The following GAS2 variants were observed in gnomAD, a reference collection of about 807,000 sequenced individuals.
GAS2 encodes growth arrest-specific protein 2.
Under a neutral mutation model 37.5 loss-of-function variants are expected in GAS2, and 20 were observed. The observed-to-expected ratio is 0.53, with a 90% CI of 0.37 to 0.77. The LOEUF (loss-of-function observed/expected upper bound fraction) is 0.77, where lower values mean the gene tolerates loss of function less well. Ranked by LOEUF, GAS2 falls within the 30% of genes least tolerant of loss-of-function variation. The probability of loss-of-function intolerance (pLI) is 0.00; values close to 1 mark genes in which losing one functional copy is unlikely to be tolerated. For synonymous variants in GAS2, 144 were observed against 132.2 expected (o/e 1.09, Z -0.61); for missense variants, 336 against 373.4 (o/e 0.90, Z 0.82).
chr11:22,656,527 GTAAACTATAAAGAATTACTGGAGCTTA>G (rs1271204681), intron 1 of GAS2, among the ~76,000 whole-genome samples: 1 of 152,190 alleles, frequency 6.6e-6, no homozygotes, highest in Admixed American at 6.5e-5. Context: ...CATAATCCAA[GTAAACTATAAAGAATTACTGGAGCTTA>G]AGAAAAACTT....
Position 22,812,167 on chromosome 11 carries a change from A to G in GAS2, c.*151A>G, listed in dbSNP as rs192771124. The G allele has an allele frequency of 3.3e-4, 199 of 607,816 alleles. 1 individual carries two copies. In the African/African-American group the frequency reaches 3.4e-3, roughly 10 times the overall value. 37.7% of individuals were successfully genotyped at this position (607,816 alleles called of 1,614,324 possible). On this transcript the variant is annotated 3_prime_UTR_variant, in exon 8 of 8. Coordinates refer to ENST00000454584, the MANE Select transcript of GAS2 (RefSeq NM_001143830.3). ...TGAAAAATGTTCAAAGAGTAGCACT[A>G]TTTATTTTTAATGCTTCTGTAGAAT...
At chr11:22,733,094 G>A (rs954097566) in intron 4 of GAS2, among the ~76,000 whole-genome samples, 9 of 151,392 alleles carry the variant, frequency 5.9e-5, no homozygotes, top group East Asian at 2.0e-4. Flanking sequence ...ACATTTTGGT[G>A]CAAGAGAGTA....
intron 4 of GAS2, among the ~76,000 whole-genome samples, chr11:22,732,479 A>G (rs1220856743): frequency 6.6e-6 from 1 of 151,742 alleles, no homozygotes; most frequent in Non-Finnish European, 1.5e-5. Context: ...CACACACATC[A>G]TTATTGAGCT....
intron 1 of GAS2, among the ~76,000 whole-genome samples, chr11:22,670,175 T>G (rs1849144498): frequency 6.6e-6 from 1 of 152,166 alleles, no homozygotes; most frequent in African/African-American, 2.4e-5. Flanking sequence ...TTGACACCTG[T>G]AACACATGAA....
chr11:22,801,460 T>TA lies in GAS2; in HGVS notation c.724-10338_724-10337insA, dbSNP rs398075783. 2.0e-3 allele frequency among the ~76,000 whole-genome samples: 295 copies of TA among 150,172 alleles called. 3 individuals carry two copies. The highest frequency in any genetic ancestry group is 6.8e-3 in the Middle Eastern group (2 of 292). ...TGGGGGCATGGGATAGTTTTTTTTT[T>TA]TATTATTTAATGTTAGGAAAATAAA... is the stretch of plus-strand genomic sequence containing the variant. On this transcript the variant is annotated intron_variant, in intron 7 of 7. Coordinates refer to ENST00000454584, the MANE Select transcript of GAS2 (RefSeq NM_001143830.3).
rs11026772 is a variant in GAS2 at position 22,759,322 on chromosome 11, A to G, written c.723+3369A>G. On this transcript the variant is annotated intron_variant, in intron 7 of 7. Transcript: ENST00000454584. ...TACTTATGTATTAATAGAGGCATCT[A>G]TGTACTTTTGTAGACAGGCTTGTTT... 2.0e-3 allele frequency among the ~76,000 whole-genome samples: 311 copies of G among 152,324 alleles called. 9 individuals carry two copies. The East Asian group carries it at 0.05, about 24-fold the overall frequency.
At chr11:22,731,914 A>G (rs1346526321) in intron 4 of GAS2, among the ~76,000 whole-genome samples, 2 of 151,684 alleles carry the variant, frequency 1.3e-5, no homozygotes, top group African/African-American at 4.8e-5. Flanking sequence ...TTGTTTTATG[A>G]AGTACATACT....
At chr11:22,801,410 G>A (rs1218419295) in intron 7 of GAS2, among the ~76,000 whole-genome samples, 2 of 150,458 alleles carry the variant, frequency 1.3e-5, no homozygotes, top group Non-Finnish European at 3.0e-5. Flanking sequence ...TAAGTATCTG[G>A]ATGAGCTAAG....
intron 3 of GAS2, among the ~76,000 whole-genome samples, chr11:22,719,046 A>G (rs1328981845): frequency 6.6e-6 from 1 of 152,140 alleles, no homozygotes; most frequent in Non-Finnish European, 1.5e-5. Flanking sequence ...GTTAAGGTAT[A>G]ATTAACATGT....
chr11:22,738,493 T>C (rs1292922824), intron 5 of GAS2, among the ~76,000 whole-genome samples: 1 of 152,098 alleles, frequency 6.6e-6, no homozygotes, highest in Non-Finnish European at 1.5e-5. Context: ...GAACAAGAAA[T>C]GAAGATACAA....
At chr11:22,674,550 A>G (rs1849340618) in intron 1 of GAS2, among the ~76,000 whole-genome samples, 1 of 152,178 alleles carries the variant, frequency 6.6e-6, no homozygotes. Flanking sequence ...TCGTGTTTCA[A>G]TATGTGGAAT....
In GAS2 at chr11:22,699,480, A is replaced by G. The variant is rs139310466; in HGVS notation, c.267+13691A>G. Among the ~76,000 whole-genome samples, 463 of 152,306 alleles carry G rather than the reference A, an allele frequency of 3.0e-3. 1 individual carries two copies. Among genetic ancestry groups the G allele is most frequent in the African/African-American group, 0.01 (429 of 41,584 alleles). ...CTTAGAGAAAAAAGACATGTGAAGG[A>G]AAGTGAAACTGGATTTGGAGGGCTT... is the stretch of plus-strand genomic sequence containing the variant. On this transcript the variant is annotated intron_variant, in intron 3 of 7. Transcript: ENST00000454584.
intron 6 of GAS2, among the ~76,000 whole-genome samples, chr11:22,754,930 TTC>T (rs1438421905): frequency 6.6e-6 from 1 of 152,160 alleles, no homozygotes; most frequent in Non-Finnish European, 1.5e-5. Context: ...ATTTACGGCT[TTC>T]TGTTTCTTCC....
At chr11:22,646,349 G>A (rs1848690471) in intron 1 of GAS2, among the ~76,000 whole-genome samples, 1 of 152,146 alleles carries the variant, frequency 6.6e-6, no homozygotes. Flanking sequence ...TTTACAGTGT[G>A]CTTTAGGATC....
intron 7 of GAS2, among the ~76,000 whole-genome samples, chr11:22,771,093 T>G (rs1274256165): frequency 6.6e-6 from 1 of 152,184 alleles, no homozygotes; most frequent in Non-Finnish European, 1.5e-5. Flanking sequence ...ATTTTACTTT[T>G]TTTTTTTTCA....
chr11:22,806,914 C>A (rs1856925228), intron 7 of GAS2, among the ~76,000 whole-genome samples: 1 of 152,124 alleles, frequency 6.6e-6, no homozygotes, highest in Non-Finnish European at 1.5e-5. Context: ...TCCACAATTA[C>A]TCCTCATCAA....
intron 7 of GAS2, among the ~76,000 whole-genome samples, chr11:22,756,300 AAAAAGAAAAG>A (rs758839347): frequency 1.3e-5 from 2 of 152,114 alleles, no homozygotes; most frequent in African/African-American, 4.8e-5. Context: ...TTTTTTTAAA[AAAAAGAAAAG>A]AAAAGAAAAT....
intron 7 of GAS2, among the ~76,000 whole-genome samples, chr11:22,761,145 A>G (rs2134367756): frequency 6.6e-6 from 1 of 152,240 alleles, no homozygotes; most frequent in African/African-American, 2.4e-5. Flanking sequence ...TACTGTCTGG[A>G]TAATATGCCT....
chr11:22,651,875 C>T lies in GAS2; in HGVS notation c.-20-22975C>T, dbSNP rs577979239. On this transcript the variant is annotated intron_variant, in intron 1 of 5. Transcript: ENST00000528582. ...TGCCTTTGGTTTGAATTTCCTCCCA[C>T]AGCTCGGAGTAATTTGATCATCTGA... Among the ~76,000 whole-genome samples the T allele has an allele frequency of 4.0e-3, 613 of 152,268 alleles. 13 individuals are homozygous for T. The East Asian group carries it at 0.076, about 19-fold the overall frequency.
Sources: allele counts gnomAD v4.1 joint callset (sites outside exome capture counted in the v4.1 genomes callset), GRCh38; gene constraint gnomAD v4.1.1; transcripts MANE v1.5; gene names NCBI Gene and HGNC (gene_info 2026-07-23, HGNC 2026-07-21).